The following LINGO2 variants were observed in gnomAD, a reference collection of about 807,000 sequenced individuals.
LINGO2 encodes leucine rich repeat and Ig domain containing 2.
Under a neutral mutation model 30.6 loss-of-function variants are expected in LINGO2, and 14 were observed. The ratio of observed to expected loss-of-function variants is 0.46; its 90% CI spans 0.30 to 0.72. LINGO2 has a LOEUF of 0.72. Among genes scored for constraint, LINGO2 ranks in the 30% least tolerant of loss-of-function variants. The pLI, the probability that LINGO2 is intolerant of heterozygous loss-of-function variation, is 0.07. For synonymous variants in LINGO2, 317 were observed against 288.5 expected (o/e 1.10, Z -1.00); for missense variants, 729 against 751.7 (o/e 0.97, Z 0.35).
intron 2 of LINGO2, among the ~76,000 whole-genome samples, chr9:28,391,046 A>G (rs1345119584): frequency 6.6e-6 from 1 of 152,172 alleles, no homozygotes; most frequent in Non-Finnish European, 1.5e-5. Context: ...TAAAACTTAG[A>G]TGTGGGTAAT....
intron 2 of LINGO2, among the ~76,000 whole-genome samples, chr9:28,378,985 G>A (rs925510889): frequency 3.3e-5 from 5 of 152,048 alleles, no homozygotes; most frequent in Non-Finnish European, 7.4e-5. Context: ...AAAGTAGTCT[G>A]ACAAACAGAT....
intron 2 of LINGO2, among the ~76,000 whole-genome samples, chr9:28,435,306 C>A (rs1331600647): frequency 1.3e-5 from 2 of 152,052 alleles, no homozygotes; most frequent in African/African-American, 2.4e-5. Context: ...ACTCTAGTAC[C>A]TTTATAATGT....
chr9:28,227,990 TATAA>T (rs1184342642), intron 4 of LINGO2, among the ~76,000 whole-genome samples: 6 of 152,196 alleles, frequency 3.9e-5, no homozygotes, highest in African/African-American at 1.2e-4. Context: ...AGAATAAATA[TATAA>T]ATAAATAGTC....
At chr9:29,106,084 T>C in the LINGO2 span, among the ~76,000 whole-genome samples, 5 of 152,188 alleles carry the variant, frequency 3.3e-5, no homozygotes, top group African/African-American at 4.8e-5. Context: ...TAGCATCTCA[T>C]TTCTTTGGCA....
the LINGO2 span, among the ~76,000 whole-genome samples, chr9:29,062,132 T>A: frequency 4.6e-5 from 7 of 152,112 alleles, no homozygotes; most frequent in African/African-American, 1.4e-4. Flanking sequence ...CCACTTCACA[T>A]CACTTCATAT....
At chr9:28,004,213 T>C (rs985241230) in intron 5 of LINGO2, among the ~76,000 whole-genome samples, 2 of 151,966 alleles carry the variant, frequency 1.3e-5, no homozygotes, top group Non-Finnish European at 2.9e-5. Context: ...TAACAATTAA[T>C]CATTTCCCAT....
chr9:28,466,037 T>A (rs1409452958), intron 2 of LINGO2, among the ~76,000 whole-genome samples: 1 of 151,786 alleles, frequency 6.6e-6, no homozygotes, highest in African/African-American at 2.4e-5. Context: ...ACAACCACTA[T>A]GGAGAACAGT....
the LINGO2 span, among the ~76,000 whole-genome samples, chr9:28,889,829 T>A: frequency 3.3e-5 from 5 of 151,622 alleles, no homozygotes; most frequent in African/African-American, 1.2e-4. Flanking sequence ...GTGGTAATCA[T>A]CAAGGTAAAT....
At chr9:27,944,513 T>C (rs565397984), downstream of LINGO2, 2 of 152,032 alleles carry the variant, frequency 1.3e-5, no homozygotes, top group African/African-American at 2.4e-5. Context: ...CTAACGAAAA[T>C]AGAAAATTCA....
intron 4 of LINGO2, among the ~76,000 whole-genome samples, chr9:28,190,308 C>G (rs1444728070): frequency 6.6e-6 from 1 of 152,072 alleles, no homozygotes; most frequent in Non-Finnish European, 1.5e-5. Flanking sequence ...CAGAGTTGCA[C>G]AGTATTTTAC....
intron 4 of LINGO2, among the ~76,000 whole-genome samples, chr9:28,111,725 T>C (rs1476028160): frequency 6.6e-6 from 1 of 152,094 alleles, no homozygotes; most frequent in Admixed American, 6.6e-5. Flanking sequence ...CCCATATTAA[T>C]TGATCAATGA....
At chr9:28,021,286 T>TAAA in intron 4 of LINGO2, among the ~76,000 whole-genome samples, 1 of 152,298 alleles carries the variant, frequency 6.6e-6, no homozygotes, top group East Asian at 1.9e-4. Context: ...AAGTGTCTTT[T>TAAA]AATTTCTAAA....
chr9:28,620,948 C>T (rs1826361807), intron 1 of LINGO2, among the ~76,000 whole-genome samples: 1 of 152,014 alleles, frequency 6.6e-6, no homozygotes, highest in Non-Finnish European at 1.5e-5. Flanking sequence ...ACCTGTGTAA[C>T]AAGCCTGCAC....
chr9:28,485,278 G>C (rs900689739), intron 1 of LINGO2, among the ~76,000 whole-genome samples: 1 of 152,064 alleles, frequency 6.6e-6, no homozygotes, highest in Non-Finnish European at 1.5e-5. Context: ...GATTCACTAA[G>C]CAACTTACTT....
intron 1 of LINGO2, among the ~76,000 whole-genome samples, chr9:28,602,411 T>C (rs939257380): frequency 1.3e-5 from 2 of 152,146 alleles, no homozygotes; most frequent in African/African-American, 4.8e-5. Context: ...CATGAGTGGA[T>C]AGAGACCCAG....
the LINGO2 span, among the ~76,000 whole-genome samples, chr9:28,946,953 A>T: frequency 6.6e-6 from 1 of 152,122 alleles, no homozygotes; most frequent in Non-Finnish European, 1.5e-5. Flanking sequence ...ACCTAAAGCA[A>T]CTAATTCCAA....
At chr9:29,177,199 T>G in the LINGO2 span, among the ~76,000 whole-genome samples, 1 of 152,174 alleles carries the variant, frequency 6.6e-6, no homozygotes, top group Non-Finnish European at 1.5e-5. Context: ...GATAAATGAA[T>G]TAGTAAATAT....
chr9:28,393,390 A>G (rs987625584), intron 2 of LINGO2, among the ~76,000 whole-genome samples: 25 of 152,250 alleles, frequency 1.6e-4, no homozygotes, highest in African/African-American at 5.8e-4. Context: ...TATGCAAGGA[A>G]AATGAGGCTG....
the LINGO2 span, among the ~76,000 whole-genome samples, chr9:28,702,217 C>A: frequency 6.6e-6 from 1 of 151,816 alleles, no homozygotes; most frequent in Non-Finnish European, 1.5e-5. Flanking sequence ...AGCTGGAAAG[C>A]TTCTAGTTTC....
Sources: allele counts gnomAD v4.1 joint callset (sites outside exome capture counted in the v4.1 genomes callset), GRCh38; gene constraint gnomAD v4.1.1; transcripts MANE v1.5; gene names NCBI Gene and HGNC (gene_info 2026-07-23, HGNC 2026-07-21).